STK3: variants seen among roughly 807,000 people sequenced by gnomAD.
The protein encoded by STK3 is serine/threonine kinase 3, also known as serine/threonine-protein kinase 3.
A neutral mutation model predicts 58.0 loss-of-function variants in STK3; 41 were observed. That is an observed-to-expected ratio of 0.71 (90% CI 0.55 to 0.92). The LOEUF is 0.92. STK3 is among the 40% of genes least tolerant of loss of function. STK3 has a pLI of 0.00. For synonymous variants in STK3, 170 were observed against 191.0 expected (o/e 0.89, Z 0.91); for missense variants, 479 against 602.7 (o/e 0.79, Z 2.15).
intron 1 of STK3, among the ~76,000 whole-genome samples, chr8:98,776,582 G>C (rs1464077600): frequency 6.6e-6 from 1 of 152,122 alleles, no homozygotes; most frequent in African/African-American, 2.4e-5. Context: ...AGCGTGGAAG[G>C]TTTTCAAAAG....
rs567649691 is a variant in STK3, at chr8:98,458,114, T to C, written c.1318-2114A>G. On this transcript the variant is annotated intron_variant, in intron 10 of 10. Transcript: ENST00000419617. ...TCTCAATATCACATACACACACATA[T>C]ACACACACACACACACACACATGTG... Among the ~76,000 whole-genome samples the C allele has an allele frequency of 4.3e-4, 64 of 150,414 alleles. No homozygotes were observed. In the East Asian group the frequency reaches 5.1e-3, roughly 12 times the overall value.
intron 6 of STK3, among the ~76,000 whole-genome samples, chr8:98,619,756 C>T (rs1265073736): frequency 1.4e-5 from 2 of 147,352 alleles, no homozygotes; most frequent in African/African-American, 5.1e-5. Context: ...CAAATCAAAA[C>T]CACAGTGAGA....
rs535459076 is a variant in STK3, at chr8:98,468,791, G to A, written c.1318-12791C>T. ...GGGTTATGTCAGCATTTTAGACTGC[G>A]CAACTAATATGCAGAAATCACAGAA... On this transcript the variant is annotated intron_variant, in intron 10 of 10. Coordinates refer to ENST00000419617, the MANE Select transcript of STK3 (RefSeq NM_006281.4). Among the ~76,000 whole-genome samples the A allele has an allele frequency of 2.6e-4, 39 of 152,226 alleles. 2 individuals are homozygous for A. In the South Asian group the frequency reaches 7.2e-3, roughly 28 times the overall value.
At chr8:98,657,473 G>C (rs890847850) in intron 6 of STK3, among the ~76,000 whole-genome samples, 1 of 152,048 alleles carries the variant, frequency 6.6e-6, no homozygotes, top group African/African-American at 2.4e-5. Flanking sequence ...GCAGGAGAGA[G>C]ACCCATAGGG....
intron 1 of STK3, among the ~76,000 whole-genome samples, chr8:98,805,530 T>C (rs1337411733): frequency 1.3e-5 from 2 of 152,006 alleles, no homozygotes; most frequent in African/African-American, 2.4e-5. Flanking sequence ...GCCAAGATCA[T>C]GCCACTGCAC....
At chr8:98,791,860 T>C (rs1832825243) in intron 1 of STK3, among the ~76,000 whole-genome samples, 1 of 152,164 alleles carries the variant, frequency 6.6e-6, no homozygotes, top group Admixed American at 6.5e-5. Context: ...ACTATAAAAA[T>C]TCTGGAAGAT....
intron 7 of STK3, among the ~76,000 whole-genome samples, chr8:98,592,892 T>C (rs933434078): frequency 1.3e-5 from 2 of 152,092 alleles, no homozygotes; most frequent in African/African-American, 4.8e-5. Context: ...GCCTCCCAAA[T>C]AGCTGGGACT....
At chr8:98,446,646 A>G (rs904604521) in intron 1 of STK3, among the ~76,000 whole-genome samples, 1 of 152,184 alleles carries the variant, frequency 6.6e-6, no homozygotes, top group African/African-American at 2.4e-5. Context: ...GGGAATGCTT[A>G]TATACTGTTG....
intron 8 of STK3, among the ~76,000 whole-genome samples, chr8:98,563,161 G>A (rs961491739): frequency 1.5e-4 from 23 of 152,242 alleles, no homozygotes; most frequent in Admixed American, 1.2e-3. Flanking sequence ...TGATACATAA[G>A]CAGTGTAACT....
rs1254167411 is a variant in STK3, at chr8:98,462,457, G to A, written c.1318-6457C>T. Among the ~76,000 whole-genome samples, 5 of 152,088 alleles carry A rather than the reference G, an allele frequency of 3.3e-5. No individual in the cohort carries two copies. The East Asian group carries it at 7.7e-4, about 23-fold the overall frequency. On this transcript the variant is annotated intron_variant, in intron 10 of 10. Transcript: ENST00000419617. ...AGCTGTGCATGGGCCTATCTTGCCA[G>A]CTAGATTGCAATCTTGTTGTGGGAG...
intron 3 of STK3, among the ~76,000 whole-genome samples, chr8:98,754,136 G>A (rs1830144946): frequency 6.6e-6 from 1 of 152,128 alleles, no homozygotes; most frequent in African/African-American, 2.4e-5. Flanking sequence ...GCTTTGCTAG[G>A]TCTTGGGAAT....
chr8:98,450,738 G>A (rs978055504), downstream of STK3, among the ~76,000 whole-genome samples: 21 of 152,172 alleles, frequency 1.4e-4, no homozygotes, highest in African/African-American at 5.1e-4. Context: ...CATGCACCCT[G>A]CATCCTTTTT....
rs10659549 is a variant in STK3, at chr8:98,375,271, CA to C, written n.112-3594del. Among the ~76,000 whole-genome samples the C allele has an allele frequency of 2.3e-4, 32 of 138,324 alleles. 1 individual carries two copies. The South Asian group carries it at 6.1e-3, about 26-fold the overall frequency. 90.7% of individuals were successfully genotyped at this position (138,324 alleles called of 152,430 possible). Reference sequence around the variant, plus strand: ...AGCTGTTTCCAAAACAAAAAAAAAACAAAAAAAAACAAAAAAAAAAACCTAT... The same window carrying C: ...AGCTGTTTCCAAAACAAAAAAAAAACAAAAAAAACAAAAAAAAAAACCTAT... On this transcript the variant is annotated intron_variant and non_coding_transcript_variant, in intron 2 of 2. Coordinates refer to the STK3 transcript ENST00000518704.
At chr8:98,933,116 T>G (rs1840063005) in intron 1 of STK3, among the ~76,000 whole-genome samples, 1 of 152,224 alleles carries the variant, frequency 6.6e-6, no homozygotes, top group Admixed American at 6.5e-5. Flanking sequence ...TTACATGGCC[T>G]TTTCTAACTC....
chr8:98,790,188 A>G (rs1275276259), intron 1 of STK3, among the ~76,000 whole-genome samples: 1 of 152,190 alleles, frequency 6.6e-6, no homozygotes, highest in Non-Finnish European at 1.5e-5. Context: ...AGCCAGTATC[A>G]CCCTAATACC....
At chr8:98,395,029 G>T (rs1817885760) in intron 3 of STK3, among the ~76,000 whole-genome samples, 1 of 152,228 alleles carries the variant, frequency 6.6e-6, no homozygotes, top group Non-Finnish European at 1.5e-5. Flanking sequence ...CAAAGCCACA[G>T]GGTGGTGGTG....
chr8:98,885,149 C>G (rs1837936756), intron 1 of STK3, among the ~76,000 whole-genome samples: 19 of 152,222 alleles, frequency 1.2e-4, no homozygotes, highest in Admixed American at 1.2e-3. Context: ...ACAAACTTCT[C>G]ATAACATACC....
intron 7 of STK3, among the ~76,000 whole-genome samples, chr8:98,589,525 T>A (rs897377257): frequency 6.6e-6 from 1 of 152,234 alleles, no homozygotes; most frequent in African/African-American, 2.4e-5. Flanking sequence ...GACATTTAAG[T>A]CTGCAGAGGT....
At chr8:98,763,267 C>G (rs1830742919) in intron 3 of STK3, among the ~76,000 whole-genome samples, 2 of 152,256 alleles carry the variant, frequency 1.3e-5, no homozygotes, top group East Asian at 1.9e-4. Flanking sequence ...ATACTCTGTA[C>G]CTGGTACTGA....
Sources: allele counts gnomAD v4.1 joint callset (sites outside exome capture counted in the v4.1 genomes callset), GRCh38; gene constraint gnomAD v4.1.1; transcripts MANE v1.5; gene names NCBI Gene and HGNC (gene_info 2026-07-23, HGNC 2026-07-21).